PNLIPRP3: variants seen among roughly 807,000 people sequenced by gnomAD.
The protein encoded by PNLIPRP3 is pancreatic lipase related protein 3, also known as pancreatic lipase-related protein 3.
Under a neutral mutation model 52.8 loss-of-function variants are expected in PNLIPRP3, and 58 were observed. That is an observed-to-expected ratio of 1.10 (90% CI 0.89 to 1.37). The LOEUF (loss-of-function observed/expected upper bound fraction) is 1.37. Ranked by LOEUF, PNLIPRP3 falls within the 40% of genes most tolerant of loss-of-function variation. The pLI is 0.00. For missense variants in PNLIPRP3, 593 were observed against 561.6 expected (o/e 1.06, Z -0.57); for synonymous variants, 192 against 185.0 (o/e 1.04, Z -0.31).
intron 7 of PNLIPRP3, among the ~76,000 whole-genome samples, chr10:116,464,917 C>T (rs770599290): frequency 7.2e-5 from 11 of 152,206 alleles, no homozygotes; most frequent in Non-Finnish European, 1.3e-4. Flanking sequence ...CTTCCTGATG[C>T]GTGGGGTGGG....
rs920642151 is a variant in PNLIPRP3 at position 116,477,148 on chromosome 10, T to A, written c.1399T>A (p.Cys467Ser). Residue 467 changes from cysteine to serine, a missense_variant, in exon 12 of 12, where the codon TGC (cysteine) becomes AGC (serine). Coordinates refer to ENST00000369230, the MANE Select transcript of PNLIPRP3 (RefSeq NM_001011709.3). ...TAATATTCTCCAGAACCTGAAACCA[T>A]GCTAATCTCAGATACAGTCTTGATG... ...GPNILQNLKP[C>S] is the part of the protein sequence containing the mutation. 1 of 1,588,768 alleles carries A rather than the reference T, an allele frequency of 6.3e-7. No individual in the cohort carries two copies. The highest frequency in any genetic ancestry group is 1.7e-5 in the Admixed American group (1 of 59,778).
chr10:116,440,175 ACT>A, intron 2 of PNLIPRP3: 1 of 562,622 alleles, frequency 1.8e-6, no homozygotes, highest in Non-Finnish European at 3.2e-6. Flanking sequence ...CTTAGGACTA[ACT>A]CTATTCCCTG....
chr10:116,469,157 G>A lies in PNLIPRP3; in HGVS notation c.928-28G>A, dbSNP rs377106664. The A allele has an allele frequency of 1.0e-5, 16 of 1,601,288 alleles. No individual in the cohort carries two copies. The African/African-American group carries it at 1.8e-4, about 18-fold the overall frequency. On this transcript the variant is annotated intron_variant, in intron 8 of 11. Coordinates refer to ENST00000369230, the MANE Select transcript of PNLIPRP3 (RefSeq NM_001011709.3). ...AAGGACAACATTTCTAATTACATAA[G>A]TAATCACCTTTCATTTTCTGTCATC...
chr10:116,452,855 C>T (rs1232883493), intron 4 of PNLIPRP3, among the ~76,000 whole-genome samples: 2 of 152,238 alleles, frequency 1.3e-5, no homozygotes, highest in East Asian at 3.9e-4. Context: ...GGCAGAGCCC[C>T]CACAGAGAAA....
At chr10:116,444,561 A>G (rs1294629647) in intron 4 of PNLIPRP3, 48 bp downstream of exon 4, 2 of 1,546,332 alleles carry the variant, frequency 1.3e-6, no homozygotes, top group Non-Finnish European at 1.8e-6. Flanking sequence ...GGTTTTGGAT[A>G]TTAACACTCA....
chr10:116,451,843 A>AC (rs1392671223), intron 4 of PNLIPRP3, among the ~76,000 whole-genome samples: 5 of 11,124 alleles, frequency 4.5e-4, no homozygotes, highest in South Asian at 0.056. Flanking sequence ...GAACTAACAC[A>AC]AAAAAAATTA....
Position 116,477,121 on chromosome 10 carries a change from C to T in PNLIPRP3, c.1372C>T (p.Pro458Ser), listed in dbSNP as rs1244899695. 1.3e-6 allele frequency: 2 copies of T among 1,597,924 alleles called. No homozygotes were observed. Among genetic ancestry groups the T allele is most frequent in the Admixed American group, 3.3e-5 (2 of 59,808 alleles). Reference protein sequence around the residue: ...STFCSQDIMGPNILQNLKPC With the variant: ...STFCSQDIMGSNILQNLKPC Reference sequence around the variant, plus strand: ...CTTCTGTAGCCAAGACATTATGGGACCTAATATTCTCCAGAACCTGAAACC... The same window carrying T: ...CTTCTGTAGCCAAGACATTATGGGATCTAATATTCTCCAGAACCTGAAACC... The change falls in exon 12 of 12, where the codon CCT (proline) becomes TCT (serine). Residue 458 changes from proline (P) to serine (S), a missense_variant. Physicochemically the swap from Pro to Ser is moderately conservative, Grantham distance 74 (BLOSUM62 -1). Coordinates refer to ENST00000369230, the MANE Select transcript of PNLIPRP3 (RefSeq NM_001011709.3).
intron 2 of PNLIPRP3, chr10:116,439,676 T>C: frequency 1.3e-6 from 1 of 766,494 alleles, no homozygotes; most frequent in Non-Finnish European, 2.4e-6. Flanking sequence ...CCCAGCTTTT[T>C]TGCCACGTCT....
Position 116,477,188 on chromosome 10 carries a change from G to C in PNLIPRP3, c.*35G>C. On this transcript the variant is annotated 3_prime_UTR_variant, in exon 12 of 12. Transcript: ENST00000369230. ...CAGTCTTGATGGATTTCTTTAGTAG[G>C]AGCAATGAAGAAAAGTGTCTCCTTC... The C allele has an allele frequency of 6.6e-7, 1 of 1,519,192 alleles. No homozygotes were observed. The highest frequency in any genetic ancestry group is 9.0e-7 in the Non-Finnish European group (1 of 1,107,920). 94.1% of individuals were successfully genotyped at this position (1,519,192 alleles called of 1,614,324 possible).
chr10:116,442,191 A>G (rs1361793929), intron 2 of PNLIPRP3, among the ~76,000 whole-genome samples: 1 of 152,204 alleles, frequency 6.6e-6, no homozygotes, highest in African/African-American at 2.4e-5. Context: ...TAACAAAATC[A>G]CTTAAATTTA....
At chr10:116,451,382 T>C (rs1846035690) in intron 4 of PNLIPRP3, among the ~76,000 whole-genome samples, 1 of 152,222 alleles carries the variant, frequency 6.6e-6, no homozygotes, top group Admixed American at 6.5e-5. Context: ...AATGATTTCC[T>C]GGATATTTCA....
intron 5 of PNLIPRP3, among the ~76,000 whole-genome samples, chr10:116,459,650 C>T (rs1460445294): frequency 6.6e-6 from 1 of 152,164 alleles, no homozygotes; most frequent in Non-Finnish European, 1.5e-5. Context: ...TTACAGTTTC[C>T]CAAACACGAT....
intron 2 of PNLIPRP3, among the ~76,000 whole-genome samples, chr10:116,442,461 G>T (rs767784644): frequency 1.3e-5 from 2 of 152,154 alleles, no homozygotes; most frequent in South Asian, 2.1e-4. Context: ...ACAAAAATAA[G>T]ATTTACTGAA....
intron 1 of PNLIPRP3, among the ~76,000 whole-genome samples, chr10:116,430,141 C>T (rs560921355): frequency 6.6e-6 from 1 of 152,228 alleles, no homozygotes; most frequent in South Asian, 2.1e-4. Flanking sequence ...GACAGTTCAT[C>T]TCTTGTGAAC....
chr10:116,432,780 A>C (rs1481918726), intron 1 of PNLIPRP3, among the ~76,000 whole-genome samples: 1 of 152,132 alleles, frequency 6.6e-6, no homozygotes, highest in African/African-American at 2.4e-5. Flanking sequence ...AAAAGATAAA[A>C]CATTAGAAAG....
intron 4 of PNLIPRP3, among the ~76,000 whole-genome samples, chr10:116,447,284 C>G (rs1049932099): frequency 1.3e-4 from 20 of 152,234 alleles, no homozygotes; most frequent in South Asian, 2.1e-4. Context: ...TGGACCAGCA[C>G]AAAGTTTTGA....
At chr10:116,450,829 T>C (rs1398191766) in intron 4 of PNLIPRP3, among the ~76,000 whole-genome samples, 1 of 152,066 alleles carries the variant, frequency 6.6e-6, no homozygotes, top group African/African-American at 2.4e-5. Flanking sequence ...TGTTCATGAA[T>C]CAAAAGAGTC....
At chr10:116,445,174 G>C (rs887166043) in intron 4 of PNLIPRP3, among the ~76,000 whole-genome samples, 1 of 152,136 alleles carries the variant, frequency 6.6e-6, no homozygotes, top group African/African-American at 2.4e-5. Context: ...TGTGGGCTAG[G>C]CATGGAAGAT....
chr10:116,461,641 C>G (rs1008143849), intron 7 of PNLIPRP3, among the ~76,000 whole-genome samples: 1 of 152,132 alleles, frequency 6.6e-6, no homozygotes, highest in South Asian at 2.1e-4. Flanking sequence ...GACAAAGGTG[C>G]CTCCCTGATG....
Sources: gnomAD v4.1 joint callset for allele counts (sites outside exome capture counted in the v4.1 genomes callset) on GRCh38, gnomAD v4.1.1 for gene constraint, MANE v1.5 for transcripts, NCBI Gene and HGNC (gene_info 2026-07-23, HGNC 2026-07-21) for gene names.